Variants in SCNN1D observed in about 807,000 individuals in gnomAD.
SCNN1D encodes sodium channel epithelial 1 subunit delta.
SCNN1D carries 104 observed loss-of-function variants against 87.8 expected under a neutral mutation model. The ratio of observed to expected loss-of-function variants is 1.18; its 90% confidence interval spans 1.01 to 1.39. The LOEUF (loss-of-function observed/expected upper bound fraction) is 1.39. SCNN1D is among the 40% of genes most tolerant of loss of function. SCNN1D has a pLI of 0.00. For missense variants in SCNN1D, 1,324 were observed against 1,093.9 expected (o/e 1.21, Z -2.97); for synonymous variants, 628 against 481.2 (o/e 1.31, Z -3.99).
chr1:1,287,265 T>C lies in SCNN1D; in HGVS notation c.1276T>C (p.Ser426Pro). 3 of 1,606,690 alleles carry C rather than the reference T, an allele frequency of 1.9e-6. No individual in the cohort carries two copies. Among genetic ancestry groups the C allele is most frequent in the Non-Finnish European group, 2.6e-6 (3 of 1,176,214 alleles). ...HGSQDGHFVL[S>P]CSYDGLDCQA... ...GAGCCAGGACGGCCACTTCGTCCTCTCCTGCAGTTACGATGGCCTGGACTG... is the reference window on the plus strand; with the variant it reads ...GAGCCAGGACGGCCACTTCGTCCTCCCCTGCAGTTACGATGGCCTGGACTG... The change falls in exon 9 of 18, where the codon TCC becomes CCC. Residue 426 changes from serine to proline, a missense_variant. Coordinates refer to ENST00000379116, the MANE Select transcript of SCNN1D (RefSeq NM_001130413.4).
At chr1:1,288,065 G>GC in intron 12 of SCNN1D, 28 bp downstream of exon 12, 3 of 1,478,626 alleles carry the variant, frequency 2.0e-6, no homozygotes, top group Non-Finnish European at 1.8e-6. Context: ...GGGGGTGCGG[G>GC]GGCAGGTGAG....
At position 1,280,522 on chromosome 1, in the gene SCNN1D, CGTT is replaced by C. The variant is rs1640448957; in HGVS notation, c.-137_-135del. On this transcript the variant is annotated 5_prime_UTR_variant, in exon 1 of 18. Coordinates refer to ENST00000379116, the MANE Select transcript of SCNN1D (RefSeq NM_001130413.4). ...AAGGGAATGTCTGGTTACAGTATGG[CGTT>C]GTGCAGATGAAGGTCTTATCGCAGA... 3 of 623,998 alleles carry C rather than the reference CGTT, an allele frequency of 4.8e-6. No homozygotes were observed. Among genetic ancestry groups the C allele is most frequent in the South Asian group, 1.8e-5 (1 of 56,294 alleles). 38.7% of individuals were successfully genotyped at this position (623,998 alleles called of 1,614,324 possible).
chr1:1,289,656 TGTCCCTGCTCCGTCCCCCGA>T (rs1435610305), intron 12 of SCNN1D, among the ~76,000 whole-genome samples: 2 of 8,870 alleles, frequency 2.3e-4, no homozygotes, highest in Non-Finnish European at 3.5e-4. Flanking sequence ...CTCCGTCCCG[TGTCCCTGCTCCGTCCCCCGA>T]GTCTCTGCTC....
At chr1:1,288,663 T>TTC (rs1553160127) in intron 12 of SCNN1D, among the ~76,000 whole-genome samples, 10 of 85,732 alleles carry the variant, frequency 1.2e-4, no homozygotes, top group African/African-American at 4.3e-4. Context: ...CTCTGCTCCG[T>TTC]CCCGTGTCTC....
chr1:1,285,397 A>C (rs1186339549), intron 5 of SCNN1D, among the ~76,000 whole-genome samples, 174 bp from the exon 6 acceptor site: 1 of 152,240 alleles, frequency 6.6e-6, no homozygotes, highest in Non-Finnish European at 1.5e-5. Context: ...AGCGGTGTCC[A>C]GGCCAGACGC....
chr1:1,284,580 G>T (rs1640547409), intron 5 of SCNN1D, among the ~76,000 whole-genome samples: 1 of 149,260 alleles, frequency 6.7e-6, no homozygotes, highest in Non-Finnish European at 1.5e-5. Context: ...ACCACGGGGG[G>T]TGCCGAGCGT....
intron 1 of SCNN1D, chr1:1,280,941 C>G: frequency 1.7e-6 from 1 of 580,944 alleles, no homozygotes; most frequent in Non-Finnish European, 3.1e-6. Flanking sequence ...TCTGCGGAGG[C>G]TCCACTGGAC....
At chr1:1,284,408 G>A (rs1640542728) in intron 5 of SCNN1D, among the ~76,000 whole-genome samples, 1 of 151,444 alleles carries the variant, frequency 6.6e-6, no homozygotes, top group Non-Finnish European at 1.5e-5. Context: ...GGCCCCGTGT[G>A]CCATCAGGAA....
rs1180641733 is a variant in SCNN1D, at chr1:1,290,880, A to G, written c.1918-15A>G. On this transcript the variant is annotated splice_polypyrimidine_tract_variant and intron_variant, in intron 15 of 17. Coordinates refer to ENST00000379116, the MANE Select transcript of SCNN1D (RefSeq NM_001130413.4). The stretch of plus-strand genomic sequence containing the variant: ...CATGGGGGAGCCGTGGCCACAGCAA[A>G]CCTTCCGTCTGCAGGGATGGACTCT... The G allele has an allele frequency of 6.2e-7, 1 of 1,609,226 alleles. No homozygotes were observed.
In SCNN1D at chr1:1,286,845, A is replaced by G; in HGVS notation, c.989A>G (p.Asn330Ser). Residue 330 changes from asparagine to serine, a missense_variant, in exon 8 of 18, where the codon AAC becomes AGC. Transcript: ENST00000379116. ...RENIDSLYNVNLSKGRAALSA... is the reference protein window; with the variant it reads ...RENIDSLYNVSLSKGRAALSA... Reference sequence around the variant, plus strand: ...AACATTGACTCCCTGTACAACGTCAACCTCAGCAAAGGCAGAGCCGCCCTC... The same window carrying G: ...AACATTGACTCCCTGTACAACGTCAGCCTCAGCAAAGGCAGAGCCGCCCTC... 6.2e-7 allele frequency: 1 copy of G among 1,612,562 alleles called. No homozygotes were observed.
In SCNN1D at chr1:1,286,222, G is replaced by A. The variant is rs765764044; in HGVS notation, c.855G>A (p.Val285=). 1.9e-6 allele frequency: 3 copies of A among 1,597,968 alleles called. No homozygotes were observed. The highest frequency in any genetic ancestry group is 2.5e-6 in the Non-Finnish European group (3 of 1,177,384). ...WHRPVLMAVS[V]HSERKLLPLV... ...GCCCGGTCCTCATGGCCGTCTCTGT[G>A]CACTCGGAGCGCAAGCTGCTCCCGC... Residue 285 remains valine (V), a synonymous_variant, in exon 7 of 18, where the codon GTG becomes GTA. Transcript: ENST00000379116.
chr1:1,283,623 G>A (rs528613713), intron 4 of SCNN1D, among the ~76,000 whole-genome samples: 5 of 152,228 alleles, frequency 3.3e-5, no homozygotes, highest in East Asian at 1.9e-4. Context: ...GCTTCAACTC[G>A]GGAGGTGGAG....
intron 5 of SCNN1D, 148 bp from the exon 6 acceptor site, chr1:1,285,423 G>A: frequency 1.8e-6 from 1 of 563,880 alleles, no homozygotes; most frequent in Non-Finnish European, 3.1e-6. Context: ...GGACTTGGCT[G>A]GATGGGCCTG....
chr1:1,280,760 T>C, intron 1 of SCNN1D, 94 bp downstream of exon 1: 4 of 668,886 alleles, frequency 6.0e-6, no homozygotes, highest in Admixed American at 4.2e-5. Flanking sequence ...TCCAGACAGT[T>C]CAGGGCTTAT....
At position 1,286,835 on chromosome 1, in the gene SCNN1D, TACA is replaced by T. The variant is rs1329946864; in HGVS notation, c.982_984del (p.Asn328del). 15 of 1,612,516 alleles carry T rather than the reference TACA, an allele frequency of 9.3e-6. No homozygotes were observed. The highest frequency in any genetic ancestry group is 1.3e-5 in the African/African-American group (1 of 74,902). On this transcript the variant is annotated inframe_deletion, in exon 8 of 18. Transcript: ENST00000379116. Reference sequence around the variant, plus strand: ...TGCCAGGGAGAACATTGACTCCCTGTACAACGTCAACCTCAGCAAAGGCAGAGC... The same window carrying T: ...TGCCAGGGAGAACATTGACTCCCTGTACGTCAACCTCAGCAAAGGCAGAGC...
intron 1 of SCNN1D, 131 bp downstream of exon 1, chr1:1,280,797 C>T: frequency 1.6e-6 from 1 of 640,262 alleles, no homozygotes; most frequent in East Asian, 2.8e-5. Flanking sequence ...TATGAGGGAA[C>T]CTAGAAGGCA....
chr1:1,282,360 C>T (rs1480074416), intron 4 of SCNN1D, 45 bp downstream of exon 4: 6 of 1,545,108 alleles, frequency 3.9e-6, no homozygotes, highest in African/African-American at 2.7e-5. Flanking sequence ...TGCTGCTGGA[C>T]CCTGTGGGGC....
Position 1,284,056 on chromosome 1 carries a change from T to A in SCNN1D, c.430T>A (p.Trp144Arg). The A allele has an allele frequency of 4.0e-6, 5 of 1,261,802 alleles. No homozygotes were observed. Among genetic ancestry groups the A allele is most frequent in the Non-Finnish European group, 5.0e-6 (5 of 1,006,776 alleles). 78.2% of individuals were successfully genotyped at this position (1,261,802 alleles called of 1,614,324 possible). Residue 144 changes from tryptophan (W) to arginine (R), a missense_variant, in exon 5 of 18, where the codon TGG becomes AGG. Transcript: ENST00000379116. The part of the protein sequence containing the change: ...WLSTEAWTGE[W>R]KQPHGGALTS... ...GAGCACCGAAGCATGGACGGGAGAA[T>A]GGAAGCAGCCACACGGGGGGGCTCT...
chr1:1,291,379 C>A lies in SCNN1D; in HGVS notation c.2178C>A (p.Gly726=), dbSNP rs1640809711. 1 of 1,608,256 alleles carries A rather than the reference C, an allele frequency of 6.2e-7. No individual in the cohort carries two copies. The highest frequency in any genetic ancestry group is 8.5e-7 in the Non-Finnish European group (1 of 1,178,434). The part of the protein sequence containing the change: ...DASALTLVLG[G]RRLRRAWFSW... ...CTGCCCTCACCCTGGTGCTAGGCGG[C>A]CGCCGGCTCCGCAGGGCGTGGTTCT... is the stretch of plus-strand genomic sequence containing the variant. The change falls in exon 18 of 18, where the codon GGC becomes GGA. Residue 726 remains glycine, a synonymous_variant. Transcript: ENST00000379116.
Sources: allele counts gnomAD v4.1 joint callset (sites outside exome capture counted in the v4.1 genomes callset), GRCh38; gene constraint gnomAD v4.1.1; transcripts MANE v1.5; gene names NCBI Gene and HGNC (gene_info 2026-07-23, HGNC 2026-07-21).